ANKRD44: variants seen among roughly 807,000 people sequenced by gnomAD.
ANKRD44 encodes serine/threonine-protein phosphatase 6 regulatory ankyrin repeat subunit B.
Under a neutral mutation model 116.0 loss-of-function variants are expected in ANKRD44, and 35 were observed. The ratio of observed to expected loss-of-function variants is 0.30; its 90% CI spans 0.23 to 0.40. The LOEUF is 0.40. Ranked by LOEUF, ANKRD44 falls within the 10% of genes least tolerant of loss-of-function variation. The probability of loss-of-function intolerance (pLI) is 1.00; values close to 1 mark genes in which losing one functional copy is unlikely to be tolerated. For synonymous variants in ANKRD44, 435 were observed against 461.8 expected (o/e 0.94, Z 0.74); for missense variants, 1,014 against 1,242.6 (o/e 0.82, Z 2.77).
At chr2:197,275,479 G>A (rs2083050604) in intron 1 of ANKRD44, among the ~76,000 whole-genome samples, 1 of 151,360 alleles carries the variant, frequency 6.6e-6, no homozygotes, top group African/African-American at 2.4e-5. Flanking sequence ...AATTTTAGAA[G>A]GGGGGATCCA....
intron 1 of ANKRD44, among the ~76,000 whole-genome samples, chr2:197,270,942 T>A (rs2082881200): frequency 6.6e-6 from 1 of 152,166 alleles, no homozygotes; most frequent in Admixed American, 6.5e-5. Flanking sequence ...ATCTTCCATC[T>A]CAACCCAGGT....
At chr2:197,308,993 A>G (rs2084159399) in intron 1 of ANKRD44, among the ~76,000 whole-genome samples, 1 of 152,260 alleles carries the variant, frequency 6.6e-6, no homozygotes, top group African/African-American at 2.4e-5. Context: ...TTTGTCATTT[A>G]GAAAATGAAG....
chr2:197,236,694 C>G (rs2081985485), intron 1 of ANKRD44, among the ~76,000 whole-genome samples: 1 of 144,492 alleles, frequency 6.9e-6, no homozygotes, highest in African/African-American at 2.7e-5. Flanking sequence ...CTACTCATCT[C>G]TCCCTGCAAC....
At chr2:197,283,508 A>G (rs891696823) in intron 1 of ANKRD44, among the ~76,000 whole-genome samples, 2 of 152,230 alleles carry the variant, frequency 1.3e-5, no homozygotes, top group Non-Finnish European at 1.5e-5. Flanking sequence ...ATTCAAGTAA[A>G]AAATAGTGAA....
At chr2:197,064,331 C>T (rs1199766334) in intron 16 of ANKRD44, among the ~76,000 whole-genome samples, 2 of 152,324 alleles carry the variant, frequency 1.3e-5, no homozygotes, top group East Asian at 1.9e-4. Flanking sequence ...CAACCGGTAC[C>T]AGCCACTGCA....
chr2:196,967,722 G>A (rs1312812683), intron 21 of ANKRD44, among the ~76,000 whole-genome samples: 1 of 152,184 alleles, frequency 6.6e-6, no homozygotes, highest in East Asian at 1.9e-4. Flanking sequence ...CCTACATTAG[G>A]AAAGAAACTC....
intron 3 of ANKRD44, among the ~76,000 whole-genome samples, chr2:197,143,204 TTTA>T (rs2079412752): frequency 1.3e-5 from 2 of 149,842 alleles, no homozygotes; most frequent in Non-Finnish European, 3.0e-5. Context: ...ATTTTTTTAT[TTTA>T]TTATTATTAT....
chr2:197,040,168 G>C (rs1362992957), intron 16 of ANKRD44, among the ~76,000 whole-genome samples: 1 of 151,872 alleles, frequency 6.6e-6, no homozygotes, highest in East Asian at 2.0e-4. Context: ...GAACCCAGGA[G>C]GTAGAGGTTG....
intron 4 of ANKRD44, among the ~76,000 whole-genome samples, chr2:197,132,155 G>A (rs1462865725): frequency 6.6e-6 from 1 of 152,198 alleles, no homozygotes; most frequent in Non-Finnish European, 1.5e-5. Context: ...AGCCAAAAAG[G>A]AGACAGTGCT....
intron 1 of ANKRD44, among the ~76,000 whole-genome samples, chr2:197,218,348 G>A (rs1054323480): frequency 6.6e-6 from 1 of 152,112 alleles, no homozygotes; most frequent in African/African-American, 2.4e-5. Context: ...ATTCTCCAGG[G>A]ATGTCTGAAA....
chr2:197,248,112 A>G (rs114597043), intron 1 of ANKRD44, among the ~76,000 whole-genome samples: 4,527 of 152,292 alleles, frequency 0.03, 200 homozygotes, highest in African/African-American at 0.1. Context: ...CTGCCTGCCT[A>G]CTGCTGCTGC....
In ANKRD44 at chr2:197,122,820, C is replaced by T. The variant is rs146406479; in HGVS notation, c.551-28G>A. ...TTACAAACAAAGCAGCAGAAAACAT[C>T]GTTAACCTTTATAGGACAATTTGCT... On this transcript the variant is annotated intron_variant, in intron 6 of 27. Transcript: ENST00000282272. The T allele has an allele frequency of 6.8e-6, 11 of 1,609,718 alleles. No homozygotes were observed. In the East Asian group the frequency reaches 1.3e-4, roughly 20 times the overall value.
intron 21 of ANKRD44, among the ~76,000 whole-genome samples, chr2:196,977,688 T>C (rs1211135118): frequency 6.6e-6 from 1 of 152,030 alleles, no homozygotes; most frequent in Non-Finnish European, 1.5e-5. Flanking sequence ...TAAAAATAAA[T>C]GAGGAATAAG....
chr2:197,183,541 C>T (rs1164756561), intron 2 of ANKRD44, among the ~76,000 whole-genome samples: 2 of 152,106 alleles, frequency 1.3e-5, no homozygotes, highest in African/African-American at 4.8e-5. Context: ...CTAATCCACC[C>T]CCAGCAAAAA....
chr2:197,142,240 A>C (rs1193610536), intron 3 of ANKRD44, among the ~76,000 whole-genome samples: 3 of 152,162 alleles, frequency 2.0e-5, no homozygotes, highest in Non-Finnish European at 4.4e-5. Context: ...CTGTTCTGTA[A>C]GCCATGTCAT....
intron 1 of ANKRD44, among the ~76,000 whole-genome samples, chr2:197,210,295 T>C (rs1432619612): frequency 6.6e-6 from 1 of 152,236 alleles, no homozygotes; most frequent in Non-Finnish European, 1.5e-5. Context: ...GCTACTACTG[T>C]ATGGCAAGCA....
At chr2:197,295,009 T>G in intron 1 of ANKRD44, among the ~76,000 whole-genome samples, 1 of 152,214 alleles carries the variant, frequency 6.6e-6, no homozygotes, top group East Asian at 1.9e-4. Context: ...TATGGCTTCC[T>G]TCTCTACAGT....
At chr2:197,099,533 CAGA>C (rs1334844258) in intron 10 of ANKRD44, 13 of 1,125,064 alleles carry the variant, frequency 1.2e-5, no homozygotes, top group Non-Finnish European at 1.3e-5. Flanking sequence ...TTGGGAAGGA[CAGA>C]AGAATATTAG....
rs144873668 is a variant in ANKRD44, at chr2:196,979,975, G to A, written c.2369-12529C>T. ...CATCCAGGACACTCTCAGATCACCAGGCTGGCGGCAAGGAAAATGATCATT... is the reference window on the plus strand; with the variant it reads ...CATCCAGGACACTCTCAGATCACCAAGCTGGCGGCAAGGAAAATGATCATT... On this transcript the variant is annotated intron_variant, in intron 21 of 21. Transcript: ENST00000424317. 6.2e-3 allele frequency among the ~76,000 whole-genome samples: 937 copies of A among 152,276 alleles called. 8 individuals are homozygous for A. Among genetic ancestry groups the A allele is most frequent in the South Asian group, 0.029 (140 of 4,826 alleles).
Sources: gnomAD v4.1 joint callset for allele counts (sites outside exome capture counted in the v4.1 genomes callset) on GRCh38, gnomAD v4.1.1 for gene constraint, MANE v1.5 for transcripts, NCBI Gene and HGNC (gene_info 2026-07-23, HGNC 2026-07-21) for gene names.